Variants in INVS observed in about 807,000 individuals in gnomAD.
INVS encodes inversin, also known as inversion of embryo turning homolog.
INVS carries 86 observed loss-of-function variants against 108.8 expected under a neutral mutation model. The ratio of observed to expected loss-of-function variants is 0.79; its 90% CI spans 0.66 to 0.95. The LOEUF (loss-of-function observed/expected upper bound fraction) is 0.95, where lower values mean the gene tolerates loss of function less well. INVS is among the 40% of genes least tolerant of loss of function. The pLI, the probability that INVS is intolerant of heterozygous loss-of-function variation, is 0.00. For synonymous variants in INVS, 455 were observed against 473.5 expected (o/e 0.96, Z 0.51); for missense variants, 1,169 against 1,297.4 (o/e 0.90, Z 1.52).
intron 12 of INVS, among the ~76,000 whole-genome samples, chr9:100,280,790 G>A (rs779256514): frequency 6.6e-6 from 1 of 152,216 alleles, no homozygotes. Context: ...TAAACACTAC[G>A]TCGAAAGCTA....
chr9:100,175,764 C>A, intron 3 of INVS: 2 of 634,010 alleles, frequency 3.2e-6, no homozygotes, highest in Non-Finnish European at 3.0e-6. Context: ...CTGGGGCAAC[C>A]AGACCTGGAA....
chr9:100,113,494 T>C (rs1257562665), intron 2 of INVS, among the ~76,000 whole-genome samples: 2 of 152,322 alleles, frequency 1.3e-5, no homozygotes, highest in East Asian at 3.9e-4. Context: ...TGTCGAAGTA[T>C]TGCAAACTAA....
intron 4 of INVS, among the ~76,000 whole-genome samples, chr9:100,226,471 A>G (rs1157844090): frequency 2.0e-5 from 3 of 152,106 alleles, no homozygotes; most frequent in African/African-American, 7.2e-5. Flanking sequence ...GAAGCTCAGG[A>G]AGATTAAAAG....
rs975916777 is a variant in INVS at position 100,274,724 on chromosome 9, C to T, written c.1784+1648C>T. On this transcript the variant is annotated intron_variant, in intron 12 of 16. Coordinates refer to ENST00000262457, the MANE Select transcript of INVS (RefSeq NM_014425.5). ...TTTGCCATGTTGGCCAGGCTGGTCT[C>T]GAACTCCTGACCTCAAGTGATCTGC... Among the ~76,000 whole-genome samples the T allele has an allele frequency of 4.6e-5, 7 of 152,102 alleles. 1 individual carries two copies. Among genetic ancestry groups the T allele is most frequent in the Admixed American group, 3.9e-4 (6 of 15,276 alleles).
intron 3 of INVS, among the ~76,000 whole-genome samples, chr9:100,221,320 T>TC (rs1223805991): frequency 6.6e-6 from 1 of 151,948 alleles, no homozygotes; most frequent in Non-Finnish European, 1.5e-5. Flanking sequence ...TTTTTTTTTT[T>TC]TGAGACAGGG....
rs1333454400 is a variant in INVS, at chr9:100,240,115, C to G, written c.671C>G (p.Pro224Arg). 3 of 1,614,132 alleles carry G rather than the reference C, an allele frequency of 1.9e-6. No homozygotes were observed. Among genetic ancestry groups the G allele is most frequent in the African/African-American group, 1.3e-5 (1 of 75,044 alleles). The change falls in exon 6 of 17, where the codon CCT becomes CGT. Residue 224 changes from proline to arginine, a missense_variant. Coordinates refer to ENST00000262457, the MANE Select transcript of INVS (RefSeq NM_014425.5). ...LNWQDYEGRT[P>R]LHFAVADGNV... ...TGGCAAGACTACGAGGGTCGAACTCCTCTTCACTTTGCAGTTGCTGATGGG... is the reference window on the plus strand; with the variant it reads ...TGGCAAGACTACGAGGGTCGAACTCGTCTTCACTTTGCAGTTGCTGATGGG...
intron 10 of INVS, among the ~76,000 whole-genome samples, chr9:100,259,121 C>A (rs138833807): frequency 6.6e-6 from 1 of 152,156 alleles, no homozygotes; most frequent in Non-Finnish European, 1.5e-5. Context: ...TCAGCAATGG[C>A]GGACGCCCCT....
chr9:100,252,534 C>T, intron 9 of INVS, 96 bp downstream of exon 9: 2 of 1,150,656 alleles, frequency 1.7e-6, no homozygotes, highest in Non-Finnish European at 2.6e-6. Context: ...CAGAAAGCTG[C>T]ACAAGTACAA....
At chr9:100,279,975 A>C (rs953578261) in intron 12 of INVS, among the ~76,000 whole-genome samples, 6 of 152,242 alleles carry the variant, frequency 3.9e-5, no homozygotes, top group African/African-American at 1.4e-4. Flanking sequence ...CATATTGTGC[A>C]AACAAATACA....
intron 2 of INVS, among the ~76,000 whole-genome samples, chr9:100,114,964 C>A (rs984228862): frequency 2.0e-5 from 3 of 152,144 alleles, no homozygotes; most frequent in Admixed American, 6.5e-5. Context: ...TGAGTAAACA[C>A]TTAAGTGAAA....
chr9:100,265,259 T>A (rs1027160178), intron 11 of INVS, among the ~76,000 whole-genome samples: 5 of 152,118 alleles, frequency 3.3e-5, no homozygotes, highest in African/African-American at 1.2e-4. Flanking sequence ...TTGACTTTTT[T>A]TTAAAAAAAG....
chr9:100,109,648 A>G (rs971054221), intron 2 of INVS, among the ~76,000 whole-genome samples: 1 of 152,080 alleles, frequency 6.6e-6, no homozygotes, highest in Admixed American at 6.5e-5. Context: ...TCTCTAAATC[A>G]TTTCCTCTAC....
intron 3 of INVS, among the ~76,000 whole-genome samples, chr9:100,210,640 C>G (rs1830804072): frequency 6.6e-6 from 1 of 152,154 alleles, no homozygotes; most frequent in Non-Finnish European, 1.5e-5. Context: ...GTTTTTGTAT[C>G]CTTTTTGTGC....
In INVS at chr9:100,100,853, G is replaced by GCA. The variant is rs1826897347; in HGVS notation, c.-25+1437_-25+1438insCA. Reference sequence around the variant, plus strand: ...TATATATAATATATATATAATATATGTATATATAATATATATATTATATAT... The same window carrying GCA: ...TATATATAATATATATATAATATATGCATATATATAATATATATATTATATAT... On this transcript the variant is annotated intron_variant, in intron 1 of 16. Transcript: ENST00000262457. Among the ~76,000 whole-genome samples, 33 of 6,308 alleles carry GCA rather than the reference G, an allele frequency of 5.2e-3. 6 individuals are homozygous for GCA. Among genetic ancestry groups the GCA allele is most frequent in the Admixed American group, 0.011 (3 of 266 alleles). The allele number at this position is 6,308 out of a possible 152,430, so 4.1% of individuals were successfully genotyped here. A position where few individuals can be genotyped will look rare whatever the true frequency, so the allele number is the denominator to read the frequency against.
chr9:100,272,823 T>C lies in INVS; in HGVS notation c.1572-41T>C, dbSNP rs529312965. The C allele has an allele frequency of 2.2e-5, 34 of 1,538,894 alleles. 1 individual carries two copies. In the South Asian group the frequency reaches 3.7e-4, roughly 17 times the overall value. On this transcript the variant is annotated intron_variant, in intron 11 of 16. Coordinates refer to ENST00000262457, the MANE Select transcript of INVS (RefSeq NM_014425.5). ...CAGTTTAACTGTGCCTTAAATTACA[T>C]TCTAAAATTAAAAAAAAAAGAAATC...
intron 3 of INVS, among the ~76,000 whole-genome samples, chr9:100,212,462 A>G (rs1830860230): frequency 2.0e-5 from 3 of 152,010 alleles, no homozygotes; most frequent in South Asian, 4.1e-4. Flanking sequence ...CATCTCTTCT[A>G]ATGTTCAGGT....
intron 3 of INVS, among the ~76,000 whole-genome samples, chr9:100,161,368 A>AC (rs1829174771): frequency 6.7e-5 from 10 of 148,222 alleles, no homozygotes; most frequent in African/African-American, 1.5e-4. Context: ...CCATCTCAAA[A>AC]AAAAAAAAAA....
chr9:100,265,133 TG>T (rs1353553910), intron 11 of INVS, among the ~76,000 whole-genome samples: 1 of 151,932 alleles, frequency 6.6e-6, no homozygotes, highest in Non-Finnish European at 1.5e-5. Context: ...TTAGTAGAGA[TG>T]GGGTTTCACC....
Position 100,111,977 on chromosome 9 carries a change from ACTTT to A in INVS, c.106+7371_106+7374del, listed in dbSNP as rs533301932. On this transcript the variant is annotated intron_variant, in intron 2 of 16. Transcript: ENST00000262457. ...TTTTCTAATCATTTAGGGGATATAT[ACTTT>A]CTTTCTTTCTTTCTTTCTTTTTTTG... Among the ~76,000 whole-genome samples the A allele has an allele frequency of 2.5e-3, 375 of 151,880 alleles. 1 individual carries two copies. The highest frequency in any genetic ancestry group is 8.1e-3 in the African/African-American group (337 of 41,356).
Sources: allele counts gnomAD v4.1 joint callset (sites outside exome capture counted in the v4.1 genomes callset), GRCh38; gene constraint gnomAD v4.1.1; transcripts MANE v1.5; gene names NCBI Gene and HGNC (gene_info 2026-07-23, HGNC 2026-07-21).